The following ACYP2 variants were observed in gnomAD, a reference collection of about 807,000 sequenced individuals.
ACYP2 encodes the protein acylphosphatase-2.
A neutral mutation model predicts 11.2 loss-of-function variants in ACYP2; 12 were observed. The ratio of observed to expected loss-of-function variants is 1.08; its 90% CI spans 0.69 to 1.74. ACYP2 has a LOEUF of 1.74. Among genes scored for constraint, ACYP2 ranks in the 40% most tolerant of loss-of-function variants. The probability of loss-of-function intolerance (pLI) is 0.00; values close to 1 mark genes in which losing one functional copy is unlikely to be tolerated. For synonymous variants in ACYP2, 43 were observed against 32.2 expected (o/e 1.33, Z -1.13); for missense variants, 134 against 101.9 (o/e 1.31, Z -1.35).
At position 54,266,553 on chromosome 2, in the gene ACYP2, A is replaced by AAGAT. The variant is rs146123390; in HGVS notation, c.405-38117_405-38114dup. ...ATATAGATATAGATATAGCTAGATA[A>AAGAT]AGATAGATAGATAGATAGATATAGA... On this transcript the variant is annotated intron_variant, in intron 6 of 6. Transcript: ENST00000607452. 3.1e-3 allele frequency among the ~76,000 whole-genome samples: 422 copies of AAGAT among 134,940 alleles called. 3 individuals carry two copies. The highest frequency in any genetic ancestry group is 0.01 in the African/African-American group (358 of 35,476). 88.5% of individuals were successfully genotyped at this position (134,940 alleles called of 152,430 possible).
chr2:54,257,084 T>G (rs1687590662), intron 6 of ACYP2, among the ~76,000 whole-genome samples: 1 of 152,176 alleles, frequency 6.6e-6, no homozygotes, highest in African/African-American at 2.4e-5. Flanking sequence ...TAAGAAATCT[T>G]ACCTCTCACC....
At chr2:54,256,479 A>G (rs987881072) in intron 6 of ACYP2, among the ~76,000 whole-genome samples, 2 of 152,190 alleles carry the variant, frequency 1.3e-5, no homozygotes, top group Admixed American at 1.3e-4. Flanking sequence ...CTTGTGCAGT[A>G]TCCGAGGCTT....
chr2:54,114,597 T>C (rs1281325112), intron 4 of ACYP2, among the ~76,000 whole-genome samples: 1 of 152,014 alleles, frequency 6.6e-6, no homozygotes, highest in African/African-American at 2.4e-5. Context: ...GGCAGGACAA[T>C]TTCTTGAACC....
chr2:54,012,903 G>C (rs1039777444), intron 2 of ACYP2, among the ~76,000 whole-genome samples: 9 of 151,942 alleles, frequency 5.9e-5, no homozygotes. Flanking sequence ...TGAGTGCTCT[G>C]ACCTGTCTTC....
intron 2 of ACYP2, among the ~76,000 whole-genome samples, chr2:53,987,358 TA>T (rs758401897): frequency 0.013 from 1,838 of 137,016 alleles, 3 homozygotes; most frequent in South Asian, 0.016. Flanking sequence ...TATACAAAGT[TA>T]AAAAAAAAAA....
chr2:53,990,668 GAAAAA>G (rs1001202727), intron 2 of ACYP2, among the ~76,000 whole-genome samples: 600 of 142,482 alleles, frequency 4.2e-3, no homozygotes, highest in Non-Finnish European at 6.4e-3. Flanking sequence ...AAAAAAAAAA[GAAAAA>G]AAAAGAAAAA....
intron 2 of ACYP2, chr2:53,973,853 ATATGTGTGTG>A (rs1228955989): frequency 1.5e-4 from 17 of 113,416 alleles, no homozygotes; most frequent in African/African-American, 7.6e-4. Flanking sequence ...TGGGATATAT[ATATGTGTGTG>A]TGTGTGTGTG....
At chr2:54,278,720 T>C (rs1415314827) in intron 6 of ACYP2, among the ~76,000 whole-genome samples, 2 of 152,254 alleles carry the variant, frequency 1.3e-5, no homozygotes, top group African/African-American at 4.8e-5. Context: ...AAAAATCAAT[T>C]TGGCTTATTT....
intron 6 of ACYP2, among the ~76,000 whole-genome samples, chr2:54,223,456 C>T (rs1417811567): frequency 1.3e-5 from 2 of 152,070 alleles, no homozygotes; most frequent in Non-Finnish European, 2.9e-5. Context: ...TTTCCCAGAC[C>T]ACTTTTCCTA....
intron 6 of ACYP2, among the ~76,000 whole-genome samples, chr2:54,166,050 A>AT (rs1196689042): frequency 6.6e-6 from 1 of 152,158 alleles, no homozygotes; most frequent in Non-Finnish European, 1.5e-5. Context: ...CCATCCAGCA[A>AT]TATCAGACCC....
chr2:54,103,119 A>G (rs1038383674), intron 4 of ACYP2, among the ~76,000 whole-genome samples: 4 of 152,174 alleles, frequency 2.6e-5, no homozygotes, highest in African/African-American at 9.7e-5. Context: ...TGTAAAAGAC[A>G]AAAAAAGAGT....
chr2:54,036,966 A>G (rs1021987553), intron 2 of ACYP2, among the ~76,000 whole-genome samples: 2 of 152,122 alleles, frequency 1.3e-5, no homozygotes, highest in Non-Finnish European at 2.9e-5. Flanking sequence ...TAGATCACTC[A>G]TTTAAGAGGA....
intron 6 of ACYP2, among the ~76,000 whole-genome samples, chr2:54,264,339 G>A (rs192085418): frequency 2.4e-4 from 36 of 152,272 alleles, no homozygotes; most frequent in Admixed American, 1.5e-3. Flanking sequence ...TGCCGCTGCT[G>A]GCTCTGGCGG....
At chr2:54,040,607 G>T (rs1675172235) in intron 2 of ACYP2, among the ~76,000 whole-genome samples, 1 of 152,154 alleles carries the variant, frequency 6.6e-6, no homozygotes, top group Admixed American at 6.5e-5. Context: ...AGCAGCCAGA[G>T]AAATAGGGGA....
At chr2:54,060,447 A>G (rs930249762) in intron 4 of ACYP2, among the ~76,000 whole-genome samples, 5 of 151,908 alleles carry the variant, frequency 3.3e-5, no homozygotes, top group Non-Finnish European at 7.4e-5. Flanking sequence ...TGATCTCTCC[A>G]ATGATTCAAT....
chr2:54,285,666 C>G (rs1689050080), intron 6 of ACYP2, among the ~76,000 whole-genome samples: 1 of 152,190 alleles, frequency 6.6e-6, no homozygotes, highest in African/African-American at 2.4e-5. Context: ...AGAATAAAGC[C>G]TACATTGACA....
At chr2:54,215,692 A>G (rs1685528843) in intron 6 of ACYP2, among the ~76,000 whole-genome samples, 1 of 152,322 alleles carries the variant, frequency 6.6e-6, no homozygotes, top group South Asian at 2.1e-4. Context: ...AACTGGAAGC[A>G]TACTATGCAT....
intron 6 of ACYP2, among the ~76,000 whole-genome samples, chr2:54,236,344 C>T (rs573297880): frequency 3.7e-4 from 57 of 152,198 alleles, no homozygotes; most frequent in African/African-American, 1.4e-3. Flanking sequence ...AATTTGGGGG[C>T]CATAAACTTT....
In ACYP2 at chr2:53,973,793, G is replaced by A. The variant is rs10168293; in HGVS notation, c.45G>A (p.Thr15=). The A allele has an allele frequency of 0.39, 125,024 of 322,038 alleles. 25,483 individuals are homozygous for A. The highest frequency in any genetic ancestry group is 0.48 in the South Asian group (3,310 of 6,830). The allele number at this position is 322,038 out of a possible 1,614,324, so 19.9% of individuals were successfully genotyped here. A position where few individuals can be genotyped will look rare whatever the true frequency, so the allele number is the denominator to read the frequency against. ...TGTTTGGTGGTCTCTTCCCACGGAC[G>A]CGCGAGACAATGAGGAGGTACTTGG... Residue 15 remains threonine (T), a synonymous_variant, in exon 2 of 7, where the codon ACG becomes ACA. Transcript: ENST00000607452.
Sources: gnomAD v4.1 joint callset for allele counts (sites outside exome capture counted in the v4.1 genomes callset) on GRCh38, gnomAD v4.1.1 for gene constraint, MANE v1.5 for transcripts, NCBI Gene and HGNC (gene_info 2026-07-23, HGNC 2026-07-21) for gene names.